The following L3MBTL1 variants were observed in gnomAD, a reference collection of about 807,000 sequenced individuals.
The protein encoded by L3MBTL1 is L3MBTL histone methyl-lysine binding protein 1.
In L3MBTL1, 75 loss-of-function variants were observed where a neutral mutation model predicts 105.3. The observed-to-expected ratio is 0.71, with a 90% CI of 0.59 to 0.86. L3MBTL1 has a LOEUF of 0.86. L3MBTL1 is among the 40% of genes least tolerant of loss of function. The pLI is 0.00. For synonymous variants in L3MBTL1, 452 were observed against 436.2 expected (o/e 1.04, Z -0.45); for missense variants, 1,069 against 1,126.4 (o/e 0.95, Z 0.73).
At chr20:43,514,965 G>A (rs992755435) in intron 4 of L3MBTL1, 44 bp from the exon 5 acceptor site, 2 of 1,600,296 alleles carry the variant, frequency 1.2e-6, no homozygotes, top group Admixed American at 1.7e-5. Context: ...CCTGAGTGTG[G>A]CTGCGATGGG....
intron 1 of L3MBTL1, among the ~76,000 whole-genome samples, chr20:43,512,995 C>T (rs2018177455): frequency 6.6e-6 from 1 of 152,188 alleles, no homozygotes; most frequent in Admixed American, 6.5e-5. Context: ...GATCCCACCT[C>T]CCAGGAAGAT....
intron 6 of L3MBTL1, 120 bp downstream of exon 6, chr20:43,515,535 C>T: frequency 7.4e-7 from 1 of 1,343,228 alleles, no homozygotes; most frequent in Non-Finnish European, 1.0e-6. Flanking sequence ...TAATGACTCA[C>T]TCATCATATT....
Position 43,529,084 on chromosome 20 carries a change from G to A in L3MBTL1, c.952-180G>A, listed in dbSNP as rs142846603. 1.9e-4 allele frequency: 117 copies of A among 612,988 alleles called. 1 individual carries two copies. The highest frequency in any genetic ancestry group is 1.6e-3 in the African/African-American group (86 of 54,124). 38.0% of individuals were successfully genotyped at this position (612,988 alleles called of 1,614,324 possible). A position where few individuals can be genotyped will look rare whatever the true frequency, so the allele number is the denominator to read the frequency against. On this transcript the variant is annotated intron_variant, in intron 8 of 21. Transcript: ENST00000418998. ...CCCTGACTCACCCACATTTTTCAAG[G>A]GACCTGGGAGATATTCTCTCTCTCT... is the stretch of plus-strand genomic sequence containing the variant.
chr20:43,518,632 G>T (rs2018529816), intron 7 of L3MBTL1, among the ~76,000 whole-genome samples: 1 of 151,970 alleles, frequency 6.6e-6, no homozygotes, highest in Admixed American at 6.6e-5. Context: ...AACCCCAGTG[G>T]ACGCTTGAAA....
At chr20:43,529,623 C>T (rs776541350) in intron 9 of L3MBTL1, among the ~76,000 whole-genome samples, 20 of 152,288 alleles carry the variant, frequency 1.3e-4, no homozygotes, top group East Asian at 3.9e-4. Flanking sequence ...GGGATGTTGG[C>T]ATGAGTCAAA....
chr20:43,527,742 CAG>C (rs927396373), intron 7 of L3MBTL1, among the ~76,000 whole-genome samples: 2 of 149,238 alleles, frequency 1.3e-5, no homozygotes, highest in African/African-American at 2.5e-5. Context: ...TTTTTTGAGA[CAG>C]GGGCTCCCTC....
Position 43,530,278 on chromosome 20 carries a change from G to A in L3MBTL1, c.1057-6G>A, listed in dbSNP as rs373212962. ...TTGGAGTTCCTGATTCCCCTCATGG[G>A]GCCAGGTATGTGGCTATCGCCTACG... On this transcript the variant is annotated splice_polypyrimidine_tract_variant and splice_region_variant and intron_variant, in intron 9 of 21. Coordinates refer to ENST00000418998, the MANE Select transcript of L3MBTL1 (RefSeq NM_001377303.1). 8 of 1,613,712 alleles carry A rather than the reference G, an allele frequency of 5.0e-6. No individual in the cohort carries two copies. The highest frequency in any genetic ancestry group is 1.3e-5 in the African/African-American group (1 of 75,006).
intron 19 of L3MBTL1, among the ~76,000 whole-genome samples, chr20:43,537,704 C>T (rs116101435): frequency 5.5e-4 from 84 of 152,230 alleles, no homozygotes; most frequent in East Asian, 4.8e-3. Context: ...ACAGCAGGGA[C>T]GCCTCAGTTG....
chr20:43,521,266 G>T (rs1184646905), intron 7 of L3MBTL1, among the ~76,000 whole-genome samples: 3 of 152,204 alleles, frequency 2.0e-5, no homozygotes, highest in African/African-American at 7.2e-5. Flanking sequence ...ATTGATTCTT[G>T]AATCTTGGCA....
chr20:43,510,487 C>A (rs773266330), intron 1 of L3MBTL1, among the ~76,000 whole-genome samples: 1 of 150,164 alleles, frequency 6.7e-6, no homozygotes, highest in Non-Finnish European at 1.5e-5. Context: ...TTACCGCAAC[C>A]TCCACCTCCT....
chr20:43,518,077 G>T (rs1239958830), intron 7 of L3MBTL1, among the ~76,000 whole-genome samples: 2 of 151,556 alleles, frequency 1.3e-5, no homozygotes, highest in Non-Finnish European at 2.9e-5. Context: ...GGGTCCTGTT[G>T]ACCAGTACAA....
Position 43,514,047 on chromosome 20 carries a change from G to T in L3MBTL1, c.346G>T (p.Gly116Trp). 1 of 1,534,392 alleles carries T rather than the reference G, an allele frequency of 6.5e-7. No individual in the cohort carries two copies. The highest frequency in any genetic ancestry group is 8.7e-7 in the Non-Finnish European group (1 of 1,146,260). ...GACAGAGGCCGCGGCCCCGCCCCCA[G>T]GGGGCGGCCTGCGGGTCAGTGTCTG... ...EWTEAAAPPP[G>W]GGLRFRISEY... Residue 116 changes from glycine to tryptophan, a missense_variant, in exon 3 of 22, where the codon GGG becomes TGG. Physicochemically the swap from Gly to Trp is radical, Grantham distance 184. Coordinates refer to ENST00000418998, the MANE Select transcript of L3MBTL1 (RefSeq NM_001377303.1).
intron 1 of L3MBTL1, among the ~76,000 whole-genome samples, 200 bp from the exon 2 acceptor site, chr20:43,513,276 A>C (rs1195755268): frequency 6.6e-6 from 1 of 152,192 alleles, no homozygotes; most frequent in East Asian, 1.9e-4. Flanking sequence ...GGGGAGGTGC[A>C]GGGCCTGGCC....
downstream of L3MBTL1, among the ~76,000 whole-genome samples, chr20:43,542,611 CAA>C (rs5841503): frequency 5.9e-3 from 660 of 112,650 alleles, 9 homozygotes; most frequent in East Asian, 0.045. Context: ...AAAAATTTAA[CAA>C]AAAAAAAAAA....
chr20:43,522,304 G>C (rs921762105), intron 7 of L3MBTL1, among the ~76,000 whole-genome samples: 1 of 151,990 alleles, frequency 6.6e-6, no homozygotes, highest in Non-Finnish European at 1.5e-5. Flanking sequence ...GCAGTGAGCT[G>C]AGATCGCTTC....
In L3MBTL1 at chr20:43,515,364, G is replaced by T. The variant is rs927470679; in HGVS notation, c.726G>T (p.Lys242Asn). The T allele has an allele frequency of 1.3e-6, 2 of 1,565,706 alleles. No homozygotes were observed. Among genetic ancestry groups the T allele is most frequent in the East Asian group, 4.7e-5 (2 of 42,486 alleles). The change falls in exon 6 of 22, where the codon AAG (lysine) becomes AAT (asparagine). Residue 242 changes from lysine to asparagine, a missense_variant. Transcript: ENST00000418998. ...SELLKPMKKR[K>N]RREYQSPSEE... ...TCCTCAAACCCATGAAGAAGAGGAA[G>T]CGCAGGGAATACCAGAGCCCATCAG...
chr20:43,533,905 T>C, intron 13 of L3MBTL1, 103 bp from the exon 14 acceptor site: 3 of 817,474 alleles, frequency 3.7e-6, no homozygotes. Flanking sequence ...GAGATTCTAC[T>C]CCAAGGGCTT....
chr20:43,536,232 C>T lies in L3MBTL1; in HGVS notation c.2061C>T (p.Ala687=), dbSNP rs542226935. 3 of 1,612,536 alleles carry T rather than the reference C, an allele frequency of 1.9e-6. No homozygotes were observed. The highest frequency in any genetic ancestry group is 2.5e-6 in the Non-Finnish European group (3 of 1,179,622). Residue 687 remains alanine, a synonymous_variant, in exon 18 of 22, where the codon GCC becomes GCT. Transcript: ENST00000418998. ...RLKAELSDSE[A]SARKKNLSGF... ...AAGCGGAGCTGTCTGACTCGGAGGC[C>T]TCAGCCCGCAAGAAGAACCTCTCAG... is the stretch of plus-strand genomic sequence containing the variant.
At chr20:43,532,396 C>T (rs181489358) in intron 11 of L3MBTL1, 30 of 200,266 alleles carry the variant, frequency 1.5e-4, no homozygotes, top group Admixed American at 4.3e-4. Flanking sequence ...CATAGATGTC[C>T]GCTGTTTCTT....
Sources: gnomAD v4.1 joint callset for allele counts (sites outside exome capture counted in the v4.1 genomes callset) on GRCh38, gnomAD v4.1.1 for gene constraint, MANE v1.5 for transcripts, NCBI Gene and HGNC (gene_info 2026-07-23, HGNC 2026-07-21) for gene names.